The following WT1 variants were observed in gnomAD, a reference collection of about 807,000 sequenced individuals.
WT1 encodes Wilms tumor protein.
Under a neutral mutation model 60.8 loss-of-function variants are expected in WT1, and 8 were observed. That is an observed-to-expected ratio of 0.13 (90% CI 0.08 to 0.24). The LOEUF is 0.24. WT1 is among the 10% of genes least tolerant of loss of function. WT1 has a pLI of 1.00. For missense variants in WT1, 568 were observed against 711.8 expected (o/e 0.80, Z 2.30); for synonymous variants, 312 against 297.1 (o/e 1.05, Z -0.52).
chr11:32,414,812 C>T lies in WT1; in HGVS notation c.1016+1678G>A, dbSNP rs1852612783. Among the ~76,000 whole-genome samples, 3 of 151,234 alleles carry T rather than the reference C, an allele frequency of 2.0e-5. No individual in the cohort carries two copies. The South Asian group carries it at 6.3e-4, about 32-fold the overall frequency. ...CACTTGAACCCAGGAGGCAGAGGTT[C>T]CAGTGAGCCAAGATCGTGCCACTGC... On this transcript the variant is annotated intron_variant, in intron 5 of 9. Coordinates refer to ENST00000452863, the MANE Select transcript of WT1 (RefSeq NM_024426.6).
In WT1 at chr11:32,428,534, G is replaced by C. The variant is rs1060501259; in HGVS notation, c.747C>G (p.Phe249Leu). 6.2e-7 allele frequency: 1 copy of C among 1,614,160 alleles called. No individual in the cohort carries two copies. Residue 249 changes from phenylalanine to leucine, a missense_variant, in exon 2 of 10, where the codon TTC becomes TTG. Phe to Leu is a conservative substitution (Grantham distance 22, BLOSUM62 0). Coordinates refer to ENST00000452863, the MANE Select transcript of WT1 (RefSeq NM_024426.6). ...GCTGGCCCATGGGATCCTCATGCTT[G>C]AATGAGTGGTTGGGGAACTGCGCCG...
chr11:32,416,563 G>T (rs1450250599), intron 4 of WT1, 23 bp from the exon 5 acceptor site: 2 of 1,613,982 alleles, frequency 1.2e-6, no homozygotes, highest in Non-Finnish European at 1.7e-6. Flanking sequence ...AAGAGGTGGG[G>T]AGTGGGGAAT....
In WT1 at chr11:32,419,743, G is replaced by C. The variant is rs146520270; in HGVS notation, c.888-2089C>G. ...GAGTCTCACTCTGTCGCCCAGGTTA[G>C]AGTGCAGTGGCGCTATTTCAGTTCG... On this transcript the variant is annotated intron_variant, in intron 3 of 9. Coordinates refer to ENST00000452863, the MANE Select transcript of WT1 (RefSeq NM_024426.6). Among the ~76,000 whole-genome samples, 231 of 152,356 alleles carry C rather than the reference G, an allele frequency of 1.5e-3. 7 individuals are homozygous for C. The East Asian group carries it at 0.038, about 25-fold the overall frequency.
intron 3 of WT1, among the ~76,000 whole-genome samples, chr11:32,420,848 C>T (rs1228564493): frequency 6.6e-6 from 1 of 152,152 alleles, no homozygotes; most frequent in Non-Finnish European, 1.5e-5. Context: ...CCAATAGAAG[C>T]CCCCTTTGCC....
rs2132915477 is a variant in WT1 at position 32,392,070 on chromosome 11, T to A, written c.1355-6A>T. ...ACACTGGAATGGTTTCACACCTAAA[T>A]GGACAGAGAAGGTCTAGCCTCGGCC... On this transcript the variant is annotated splice_polypyrimidine_tract_variant and splice_region_variant and intron_variant, in intron 8 of 9. Coordinates refer to ENST00000452863, the MANE Select transcript of WT1 (RefSeq NM_024426.6). The A allele has an allele frequency of 6.2e-7, 1 of 1,613,944 alleles. No homozygotes were observed. The highest frequency in any genetic ancestry group is 8.5e-7 in the Non-Finnish European group (1 of 1,179,906).
chr11:32,416,552 G>A lies in WT1; in HGVS notation c.966-12C>T. On this transcript the variant is annotated splice_polypyrimidine_tract_variant and intron_variant, in intron 4 of 9. Coordinates refer to ENST00000452863, the MANE Select transcript of WT1 (RefSeq NM_024426.6). ...TCCCAGCAGCAACTCTAGAAAAGAA[G>A]AAGAGGTGGGGAGTGGGGAATGGAG... The A allele has an allele frequency of 6.2e-7, 1 of 1,614,168 alleles. No individual in the cohort carries two copies. Among genetic ancestry groups the A allele is most frequent in the Non-Finnish European group, 8.5e-7 (1 of 1,180,036 alleles).
At chr11:32,407,137 C>G (rs887900713) in intron 5 of WT1, among the ~76,000 whole-genome samples, 1 of 152,096 alleles carries the variant, frequency 6.6e-6, no homozygotes, top group African/African-American at 2.4e-5. Context: ...TGCATACACA[C>G]TTTCCTTAGA....
In WT1 at chr11:32,388,902, G is replaced by C; in HGVS notation, c.*156C>G. 1 of 1,360,454 alleles carries C rather than the reference G, an allele frequency of 7.4e-7. No individual in the cohort carries two copies. The highest frequency in any genetic ancestry group is 1.0e-6 in the Non-Finnish European group (1 of 992,714). 84.3% of individuals were successfully genotyped at this position (1,360,454 alleles called of 1,614,324 possible). A position where few individuals can be genotyped will look rare whatever the true frequency, so the allele number is the denominator to read the frequency against. On this transcript the variant is annotated 3_prime_UTR_variant, in exon 10 of 10. Coordinates refer to ENST00000452863, the MANE Select transcript of WT1 (RefSeq NM_024426.6). ...GAGACCAACTCTTCCAGGCACACCT[G>C]GTAGTTTCCAGAAGCACCGGTATCT...
At chr11:32,398,537 C>T (rs973187892) in intron 6 of WT1, among the ~76,000 whole-genome samples, 1 of 152,178 alleles carries the variant, frequency 6.6e-6, no homozygotes, top group Non-Finnish European at 1.5e-5. Context: ...ACAAACTGTT[C>T]ACCATCCTCT....
intron 5 of WT1, among the ~76,000 whole-genome samples, chr11:32,401,728 T>C (rs1705825043): frequency 6.6e-6 from 1 of 152,080 alleles, no homozygotes; most frequent in Non-Finnish European, 1.5e-5. Flanking sequence ...TTAGTAGAGA[T>C]GGGGTTTCAC....
At chr11:32,391,715 C>G (rs974831844) in intron 9 of WT1, among the ~76,000 whole-genome samples, 3 of 152,182 alleles carry the variant, frequency 2.0e-5, no homozygotes, top group African/African-American at 7.2e-5. Context: ...AGGGACCTGG[C>G]TTATCTCTTC....
intron 7 of WT1, among the ~76,000 whole-genome samples, chr11:32,395,145 A>G (rs552735669): frequency 6.6e-6 from 1 of 152,362 alleles, no homozygotes; most frequent in African/African-American, 2.4e-5. Context: ...ATCTGAATGC[A>G]GCTCACTTTT....
intron 5 of WT1, among the ~76,000 whole-genome samples, chr11:32,414,742 A>G (rs1288060975): frequency 6.6e-6 from 1 of 152,084 alleles, no homozygotes; most frequent in African/African-American, 2.4e-5. Flanking sequence ...GTATGGTGGC[A>G]GATGCCTGTA....
At chr11:32,396,061 A>G (rs546223141) in intron 7 of WT1, among the ~76,000 whole-genome samples, 196 bp downstream of exon 7, 1 of 152,286 alleles carries the variant, frequency 6.6e-6, no homozygotes, top group East Asian at 1.9e-4. Context: ...AAGACAGTTT[A>G]CTGACCTCTG....
rs1397886023 is a variant in WT1, at chr11:32,435,252, C to T, written c.109G>A (p.Gly37Arg). 7 of 1,535,810 alleles carry T rather than the reference C, an allele frequency of 4.6e-6. No individual in the cohort carries two copies. Among genetic ancestry groups the T allele is most frequent in the Non-Finnish European group, 5.2e-6 (6 of 1,147,374 alleles). The change falls in exon 1 of 10, where the codon GGA becomes AGA. Residue 37 changes from glycine to arginine, a missense_variant. Physicochemically the swap from Gly to Arg is moderately radical, Grantham distance 125. Around this residue, in one of 3 missense-constraint regions of WT1, gnomAD observed 523 missense variants for 565.1 expected, o/e 0.93. Coordinates refer to ENST00000452863, the MANE Select transcript of WT1 (RefSeq NM_024426.6). ...CAGATGCCGCCCGGGTCCCGGACTC[C>T]CTGCTGCTCTGGCTGCTGTAGGCAC...
At position 32,396,182 on chromosome 11, in the gene WT1, C is replaced by G. The variant is rs1851963208; in HGVS notation, c.1264+75G>C. Reference sequence around the variant, plus strand: ...TTTCCATCCTGGAAATAACCTGGGTCCTTAGCAGTGTGAGAGCCTGGAAAA... The same window carrying G: ...TTTCCATCCTGGAAATAACCTGGGTGCTTAGCAGTGTGAGAGCCTGGAAAA... On this transcript the variant is annotated intron_variant, in intron 7 of 9. Coordinates refer to ENST00000452863, the MANE Select transcript of WT1 (RefSeq NM_024426.6). 5 of 1,601,098 alleles carry G rather than the reference C, an allele frequency of 3.1e-6. No homozygotes were observed. The South Asian group carries it at 5.5e-5, about 18-fold the overall frequency.
At chr11:32,434,630 G>A (rs1415231338) in intron 1 of WT1, 70 bp downstream of exon 1, 1 of 1,608,116 alleles carries the variant, frequency 6.2e-7, no homozygotes, top group Non-Finnish European at 8.5e-7. Context: ...TAGGAGAGGG[G>A]GGTGTCCTAG....
intron 5 of WT1, among the ~76,000 whole-genome samples, chr11:32,401,053 A>C (rs535855697): frequency 1.3e-5 from 2 of 152,382 alleles, no homozygotes; most frequent in South Asian, 4.1e-4. Context: ...ACTTGTATAC[A>C]TTGTGCATTA....
In WT1 at chr11:32,434,689, G is replaced by T. The variant is rs1415967346; in HGVS notation, c.661+11C>A. ...GCCCCGCGCGTAGGGGGCGCTCCCC[G>T]GCCTACTTACCCTGATTGCGAATAG... On this transcript the variant is annotated intron_variant, in intron 1 of 9. Coordinates refer to ENST00000452863, the MANE Select transcript of WT1 (RefSeq NM_024426.6). 6.2e-7 allele frequency: 1 copy of T among 1,612,670 alleles called. No individual in the cohort carries two copies. Among genetic ancestry groups the T allele is most frequent in the Admixed American group, 1.7e-5 (1 of 60,022 alleles).
Sources: gnomAD v4.1 joint callset for allele counts (sites outside exome capture counted in the v4.1 genomes callset) on GRCh38, gnomAD v4.1.1 for gene constraint, gnomAD v4.1.1 regional missense constraint, MANE v1.5 for transcripts, NCBI Gene and HGNC (gene_info 2026-07-23, HGNC 2026-07-21) for gene names.